ARHGAP15: variants seen among roughly 807,000 people sequenced by gnomAD.
ARHGAP15 encodes the protein Rho GTPase activating protein 15.
A neutral mutation model predicts 63.7 loss-of-function variants in ARHGAP15; 51 were observed. That is an observed-to-expected ratio of 0.80 (90% CI 0.64 to 1.01). The LOEUF is 1.01. Among genes scored for constraint, ARHGAP15 ranks in the 50% least tolerant of loss-of-function variants. The pLI is 0.00. For synonymous variants in ARHGAP15, 191 were observed against 193.8 expected (o/e 0.99, Z 0.12); for missense variants, 560 against 564.6 (o/e 0.99, Z 0.08).
chr2:143,159,101 C>T lies in ARHGAP15; in HGVS notation c.165+3446C>T, dbSNP rs146126778. Among the ~76,000 whole-genome samples the T allele has an allele frequency of 3.0e-3, 457 of 151,982 alleles. 4 individuals carry two copies. Among genetic ancestry groups the T allele is most frequent in the Non-Finnish European group, 1.0e-3 (70 of 67,896 alleles). ...TTTCCATCTTGTAAACGCCACAGAA[C>T]GGCATTACTTCATTCATGGCCATCA... On this transcript the variant is annotated intron_variant, in intron 2 of 13. Transcript: ENST00000295095.
At chr2:143,430,439 G>A (rs1393163453) in intron 6 of ARHGAP15, among the ~76,000 whole-genome samples, 1 of 151,910 alleles carries the variant, frequency 6.6e-6, no homozygotes, top group Non-Finnish European at 1.5e-5. Context: ...TTTCTTTGGT[G>A]GTCATAAACA....
intron 2 of ARHGAP15, among the ~76,000 whole-genome samples, chr2:143,177,780 C>T (rs898391451): frequency 4.6e-5 from 7 of 152,172 alleles, no homozygotes; most frequent in Non-Finnish European, 8.8e-5. Flanking sequence ...GAAGAGATTT[C>T]CTGCTGTCTT....
At chr2:143,131,249 A>T (rs893557024) in intron 1 of ARHGAP15, among the ~76,000 whole-genome samples, 1 of 152,316 alleles carries the variant, frequency 6.6e-6, no homozygotes, top group East Asian at 1.9e-4. Flanking sequence ...ATTGTTTGTA[A>T]AGAGCAGTAA....
chr2:143,659,604 G>C (rs562453984), intron 12 of ARHGAP15, among the ~76,000 whole-genome samples: 4 of 152,092 alleles, frequency 2.6e-5, no homozygotes, highest in Non-Finnish European at 2.9e-5. Flanking sequence ...GGTGAGAAAG[G>C]AGGACATTCT....
At position 143,179,072 on chromosome 2, in the gene ARHGAP15, C is replaced by T. The variant is rs76643377; in HGVS notation, c.166-23062C>T. On this transcript the variant is annotated intron_variant, in intron 2 of 13. Transcript: ENST00000295095. Reference sequence around the variant, plus strand: ...TCCAGGGTACCTGGCAATTAACACCCTTCTCTAGTGCAGTGATTACCTAAT... The same window carrying T: ...TCCAGGGTACCTGGCAATTAACACCTTTCTCTAGTGCAGTGATTACCTAAT... 8.2e-3 allele frequency among the ~76,000 whole-genome samples: 1,252 copies of T among 152,296 alleles called. 17 individuals carry two copies. Among genetic ancestry groups the T allele is most frequent in the African/African-American group, 0.028 (1,180 of 41,580 alleles).
At chr2:143,544,266 C>T (rs1432299396) in intron 10 of ARHGAP15, among the ~76,000 whole-genome samples, 1 of 152,142 alleles carries the variant, frequency 6.6e-6, no homozygotes, top group Non-Finnish European at 1.5e-5. Flanking sequence ...GAGTCTTAAA[C>T]CATCTTTCAG....
At chr2:143,463,698 C>A (rs1691071468) in intron 8 of ARHGAP15, among the ~76,000 whole-genome samples, 1 of 152,084 alleles carries the variant, frequency 6.6e-6, no homozygotes, top group Non-Finnish European at 1.5e-5. Flanking sequence ...TTATACAATG[C>A]CTTTTTGGTC....
chr2:143,485,909 T>C (rs939072722), intron 8 of ARHGAP15, among the ~76,000 whole-genome samples: 1 of 152,184 alleles, frequency 6.6e-6, no homozygotes, highest in African/African-American at 2.4e-5. Flanking sequence ...CAAACTTTAA[T>C]TGAAAAATAA....
chr2:143,525,369 A>T (rs1694224882), intron 10 of ARHGAP15, among the ~76,000 whole-genome samples: 2 of 148,490 alleles, frequency 1.3e-5, no homozygotes, highest in African/African-American at 4.9e-5. Flanking sequence ...AAAAAAAAAA[A>T]TCAAGAGTAC....
rs900100826 is a variant in ARHGAP15, at chr2:143,607,759, A to G, written c.1004-16374A>G. On this transcript the variant is annotated intron_variant, in intron 11 of 13. Transcript: ENST00000295095. ...AGGGCAGCCTTGTTAACAAGTTCCAATCTCTCAAAAACAAGATAGGATTCG... is the reference window on the plus strand; with the variant it reads ...AGGGCAGCCTTGTTAACAAGTTCCAGTCTCTCAAAAACAAGATAGGATTCG... The G allele has an allele frequency of 5.2e-4, 79 of 152,138 alleles. 1 individual carries two copies. The highest frequency in any genetic ancestry group is 4.9e-3 in the Admixed American group (75 of 15,258). The allele number at this position is 152,138 out of a possible 1,614,324, so 9.4% of individuals were successfully genotyped here.
chr2:143,147,486 T>C (rs1689637674), intron 1 of ARHGAP15, among the ~76,000 whole-genome samples: 1 of 152,080 alleles, frequency 6.6e-6, no homozygotes, highest in African/African-American at 2.4e-5. Context: ...TGCCATTTTA[T>C]AAAATTTCTT....
chr2:143,435,648 C>G lies in ARHGAP15; in HGVS notation c.522C>G (p.Asp174Glu), dbSNP rs752214108. The G allele has an allele frequency of 6.3e-7, 1 of 1,591,024 alleles. No individual in the cohort carries two copies. The highest frequency in any genetic ancestry group is 8.5e-7 in the Non-Finnish European group (1 of 1,170,150). ...GNEFLLQSDI[D>E]FIILDWFHAI... ...AGTTCCTTCTACAGTCAGATATTGACTTCATCATATTGGATTGGTTCCACG... is the reference window on the plus strand; with the variant it reads ...AGTTCCTTCTACAGTCAGATATTGAGTTCATCATATTGGATTGGTTCCACG... The change falls in exon 7 of 14, where the codon GAC (aspartate) becomes GAG (glutamate). Residue 174 changes from aspartate (D) to glutamate (E), a missense_variant. Asp to Glu is a conservative substitution (Grantham distance 45, BLOSUM62 2). Coordinates refer to ENST00000295095, the MANE Select transcript of ARHGAP15 (RefSeq NM_018460.4).
intron 11 of ARHGAP15, among the ~76,000 whole-genome samples, chr2:143,572,753 T>C (rs1238133316): frequency 6.6e-6 from 1 of 152,190 alleles, no homozygotes; most frequent in Non-Finnish European, 1.5e-5. Context: ...ATAGCCATCC[T>C]GAATCCTAAA....
Position 143,622,018 on chromosome 2 carries a change from GTT to G in ARHGAP15, c.1004-2113_1004-2112del, listed in dbSNP as rs545773959. Among the ~76,000 whole-genome samples the G allele has an allele frequency of 1.4e-4, 21 of 151,858 alleles. No homozygotes were observed. In the South Asian group the frequency reaches 4.4e-3, roughly 32 times the overall value. ...GAGATAGTTGTGTGTGTGTGTGTGTGTTTGTGTGTGTGTGTGTTTAGGTTTCC... is the reference window on the plus strand; with the variant it reads ...GAGATAGTTGTGTGTGTGTGTGTGTGTGTGTGTGTGTGTGTTTAGGTTTCC... On this transcript the variant is annotated intron_variant, in intron 11 of 13. Coordinates refer to ENST00000295095, the MANE Select transcript of ARHGAP15 (RefSeq NM_018460.4).
At chr2:143,626,284 T>C (rs1384834550) in intron 12 of ARHGAP15, among the ~76,000 whole-genome samples, 1 of 152,034 alleles carries the variant, frequency 6.6e-6, no homozygotes, top group Non-Finnish European at 1.5e-5. Context: ...TTTCTCCATA[T>C]GAGCTTTGTT....
At chr2:143,554,777 T>G (rs1695717403) in intron 10 of ARHGAP15, among the ~76,000 whole-genome samples, 1 of 152,112 alleles carries the variant, frequency 6.6e-6, no homozygotes, top group South Asian at 2.1e-4. Flanking sequence ...TTATCACATT[T>G]AAGCTGTCAA....
chr2:143,323,172 G>C (rs567238049), intron 6 of ARHGAP15, among the ~76,000 whole-genome samples: 1 of 152,296 alleles, frequency 6.6e-6, no homozygotes, highest in Non-Finnish European at 1.5e-5. Flanking sequence ...ATGTGTGAGA[G>C]TGTTTCACAG....
chr2:143,451,902 A>G (rs1690425685), intron 8 of ARHGAP15, among the ~76,000 whole-genome samples: 1 of 151,960 alleles, frequency 6.6e-6, no homozygotes, highest in Non-Finnish European at 1.5e-5. Context: ...CGAACTTTGC[A>G]CCATTAGGAA....
chr2:143,407,068 T>C (rs1057346529), intron 6 of ARHGAP15, among the ~76,000 whole-genome samples: 2 of 151,924 alleles, frequency 1.3e-5, no homozygotes, highest in Non-Finnish European at 2.9e-5. Context: ...TGGTGAAAAA[T>C]AGAAATATTT....
Sources: gnomAD v4.1 joint callset for allele counts (sites outside exome capture counted in the v4.1 genomes callset) on GRCh38, gnomAD v4.1.1 for gene constraint, MANE v1.5 for transcripts, NCBI Gene and HGNC (gene_info 2026-07-23, HGNC 2026-07-21) for gene names.